Variants in ABCD2 observed in about 807,000 individuals in gnomAD.
ABCD2 encodes ATP-binding cassette sub-family D member 2.
Under a neutral mutation model 70.9 loss-of-function variants are expected in ABCD2, and 36 were observed. The observed-to-expected ratio is 0.51, with a 90% CI of 0.39 to 0.67. The LOEUF (loss-of-function observed/expected upper bound fraction) is 0.67, where lower values mean the gene tolerates loss of function less well. Ranked by LOEUF, ABCD2 falls within the 30% of genes least tolerant of loss-of-function variation. ABCD2 has a pLI of 0.00. For missense variants in ABCD2, 729 were observed against 890.2 expected, an observed-to-expected ratio of 0.82 and a Z score of 2.30; for synonymous variants, 304 against 306.9, an observed-to-expected ratio of 0.99 and a Z score of 0.10.
chr12:39,548,960 C>T (rs1161468577), downstream of ABCD2, among the ~76,000 whole-genome samples: 1 of 151,952 alleles, frequency 6.6e-6, no homozygotes, highest in Non-Finnish European at 1.5e-5. Flanking sequence ...GTTTATAACA[C>T]AACTATAATT....
chr12:39,579,363 A>AAAAC (rs887894141), intron 8 of ABCD2, among the ~76,000 whole-genome samples, 172 bp downstream of exon 8: 37 of 152,372 alleles, frequency 2.4e-4, no homozygotes, highest in African/African-American at 7.2e-4. Context: ...CTCTGTCTCA[A>AAAAC]AAACAAACAA....
chr12:39,534,756 GAAAGAGAA>G, the ABCD2 span, among the ~76,000 whole-genome samples: 230 of 77,266 alleles, frequency 3.0e-3, no homozygotes, highest in African/African-American at 6.2e-3. Context: ...AGGAAAGAAA[GAAAGAGAA>G]AGAAAGAAAG....
intron 6 of ABCD2, among the ~76,000 whole-genome samples, chr12:39,587,835 T>A (rs1041557375): frequency 3.3e-5 from 5 of 152,100 alleles, no homozygotes; most frequent in African/African-American, 1.2e-4. Flanking sequence ...GTCCAAAGGA[T>A]AAAGTAACCA....
the ABCD2 span, among the ~76,000 whole-genome samples, chr12:39,536,440 ATATTTT>A: frequency 6.6e-6 from 1 of 152,242 alleles, no homozygotes; most frequent in East Asian, 1.9e-4. Flanking sequence ...TGCTTAAGTT[ATATTTT>A]AAGAAAAGGC....
chr12:39,591,493 C>T (rs1941745465), intron 6 of ABCD2, among the ~76,000 whole-genome samples: 1 of 152,108 alleles, frequency 6.6e-6, no homozygotes, highest in Non-Finnish European at 1.5e-5. Flanking sequence ...GGGTGAATCA[C>T]CTGAGGTCAG....
rs774449670 is a variant in ABCD2 at position 39,603,904 on chromosome 12, C to T, written c.1500+8G>A. 6.3e-6 allele frequency: 10 copies of T among 1,588,156 alleles called. No individual in the cohort carries two copies. In the Admixed American group the frequency reaches 1.7e-4, roughly 27 times the overall value. ...CAACAATCAGAAGATTCTTGAATATCATCTTACTTTGAAGTTTAGCCTGGA... is the reference window on the plus strand; with the variant it reads ...CAACAATCAGAAGATTCTTGAATATTATCTTACTTTGAAGTTTAGCCTGGA... On this transcript the variant is annotated splice_region_variant and intron_variant, in intron 5 of 9. Transcript: ENST00000308666.
chr12:39,610,138 GAA>G (rs1942025507), intron 2 of ABCD2, among the ~76,000 whole-genome samples: 1 of 152,270 alleles, frequency 6.6e-6, no homozygotes, highest in East Asian at 1.9e-4. Context: ...ATAGCACAGA[GAA>G]GGAACATGTC....
chr12:39,598,451 A>G (rs1009653385), intron 6 of ABCD2, among the ~76,000 whole-genome samples: 1 of 152,142 alleles, frequency 6.6e-6, no homozygotes, highest in Non-Finnish European at 1.5e-5. Flanking sequence ...CCCGGGCTGG[A>G]GTGCAGTGGC....
chr12:39,579,642 C>A (rs775019612), intron 7 of ABCD2, 23 bp from the exon 8 acceptor site: 13 of 1,530,496 alleles, frequency 8.5e-6, no homozygotes, highest in Admixed American at 5.2e-5. Flanking sequence ...AAAAAATATA[C>A]ATTTTTATAA....
intron 8 of ABCD2, among the ~76,000 whole-genome samples, chr12:39,575,233 CA>C (rs1941500246): frequency 6.6e-6 from 1 of 152,034 alleles, no homozygotes; most frequent in Non-Finnish European, 1.5e-5. Flanking sequence ...TTGATCGAAA[CA>C]GAGAAAATAT....
chr12:39,565,745 G>A (rs1484541361), intron 9 of ABCD2, among the ~76,000 whole-genome samples: 1 of 152,184 alleles, frequency 6.6e-6, no homozygotes, highest in Admixed American at 6.5e-5. Flanking sequence ...TGCTCATTCA[G>A]TATGATATTG....
At chr12:39,583,042 TAGGGA>T (rs554765771) in intron 7 of ABCD2, among the ~76,000 whole-genome samples, 65 of 152,150 alleles carry the variant, frequency 4.3e-4, no homozygotes, top group African/African-American at 1.5e-3. Flanking sequence ...GTATGTTTTG[TAGGGA>T]AGTGGTTTCA....
At position 39,607,753 on chromosome 12, in the gene ABCD2, T is replaced by G. The variant is rs530345081; in HGVS notation, c.1121-39A>C. On this transcript the variant is annotated intron_variant, in intron 2 of 9. Coordinates refer to ENST00000308666, the MANE Select transcript of ABCD2 (RefSeq NM_005164.4). ...CAAATTACAAAACTTGAGTTTTTTT[T>G]TTTTTTTTTTTTAGTAACTTAATGT... The G allele has an allele frequency of 1.0e-4, 138 of 1,344,646 alleles. No homozygotes were observed. The East Asian group carries it at 1.1e-3, about 11-fold the overall frequency. The allele number at this position is 1,344,646 out of a possible 1,614,324, so 83.3% of individuals were successfully genotyped here.
At chr12:39,592,407 T>C (rs1298102104) in intron 6 of ABCD2, among the ~76,000 whole-genome samples, 1 of 152,192 alleles carries the variant, frequency 6.6e-6, no homozygotes, top group Non-Finnish European at 1.5e-5. Flanking sequence ...TCTGTGGAGA[T>C]GTTCATTCAT....
downstream of ABCD2, among the ~76,000 whole-genome samples, chr12:39,548,520 T>C (rs1390425305): frequency 2.0e-5 from 3 of 152,096 alleles, no homozygotes; most frequent in Non-Finnish European, 4.4e-5. Context: ...TCTGGAAATA[T>C]CAGCATCTGC....
chr12:39,568,659 G>A (rs62280728), intron 9 of ABCD2, among the ~76,000 whole-genome samples: 9 of 152,236 alleles, frequency 5.9e-5, no homozygotes, highest in African/African-American at 9.6e-5. Context: ...GCTTTGTTCC[G>A]TTGCTGGTGA....
intron 1 of ABCD2, among the ~76,000 whole-genome samples, chr12:39,618,234 C>G (rs115567348): frequency 2.0e-5 from 3 of 152,028 alleles, no homozygotes; most frequent in East Asian, 1.9e-4. Flanking sequence ...GCTCTTCCCC[C>G]CTCTTGGACA....
At chr12:39,564,110 C>A (rs1941304101) in intron 9 of ABCD2, among the ~76,000 whole-genome samples, 1 of 152,084 alleles carries the variant, frequency 6.6e-6, no homozygotes, top group South Asian at 2.1e-4. Flanking sequence ...GTCTTTATAG[C>A]AGCATGATTT....
At chr12:39,612,414 A>G (rs1338642239) in intron 2 of ABCD2, among the ~76,000 whole-genome samples, 1 of 152,252 alleles carries the variant, frequency 6.6e-6, no homozygotes, top group African/African-American at 2.4e-5. Flanking sequence ...TGCTATGGTT[A>G]TACTCAGTAA....
Sources: gnomAD v4.1 joint callset for allele counts (sites outside exome capture counted in the v4.1 genomes callset) on GRCh38, gnomAD v4.1.1 for gene constraint, MANE v1.5 for transcripts, NCBI Gene and HGNC (gene_info 2026-07-23, HGNC 2026-07-21) for gene names.